Variants in IL1RAPL2 observed in about 807,000 individuals in gnomAD.
IL1RAPL2 encodes X-linked interleukin-1 receptor accessory protein-like 2.
IL1RAPL2 carries 3 observed loss-of-function variants against 44.1 expected under a neutral mutation model. The observed-to-expected ratio is 0.07, with a 90% CI of 0.03 to 0.18. IL1RAPL2 has a LOEUF of 0.18. IL1RAPL2 is among the 10% of genes least tolerant of loss of function. The pLI is 1.00. For synonymous variants in IL1RAPL2, 181 were observed against 178.8 expected, an observed-to-expected ratio of 1.01 and a Z score of -0.10; for missense variants, 391 against 496.4, an observed-to-expected ratio of 0.79 and a Z score of 2.02.
At chrX:105,404,170 C>T (rs1457225998) in intron 5 of IL1RAPL2, among the ~76,000 whole-genome samples, 3 of 111,820 alleles carry the variant, frequency 2.7e-5, no homozygotes, top group African/African-American at 9.8e-5. Context: ...CATCTGGCCT[C>T]ATTGTTCCTC....
At chrX:105,038,780 C>A (rs961502605) in intron 2 of IL1RAPL2, among the ~76,000 whole-genome samples, 1 of 110,273 alleles carries the variant, frequency 9.1e-6, no homozygotes, top group Non-Finnish European at 1.9e-5. Flanking sequence ...CCTCCAGTGC[C>A]CTGTCTCCTG....
intron 3 of IL1RAPL2, among the ~76,000 whole-genome samples, chrX:105,222,140 A>G (rs1404442648): frequency 1.8e-5 from 2 of 111,772 alleles, no homozygotes; most frequent in Non-Finnish European, 3.8e-5. Flanking sequence ...TCTCTCCACA[A>G]TGTTATCCAC....
At chrX:104,835,303 C>T (rs182653895) in intron 2 of IL1RAPL2, among the ~76,000 whole-genome samples, 2 of 110,542 alleles carry the variant, frequency 1.8e-5, no homozygotes, top group East Asian at 2.8e-4. Flanking sequence ...TATATAACAA[C>T]TATGTTTGAG....
chrX:105,453,850 G>T (rs1231965055), intron 5 of IL1RAPL2, among the ~76,000 whole-genome samples: 2 of 111,841 alleles, frequency 1.8e-5, no homozygotes, highest in Non-Finnish European at 3.8e-5. Context: ...AGTTGTTTAG[G>T]ATTAGATATT....
At chrX:105,445,549 C>A (rs1650324507) in intron 5 of IL1RAPL2, among the ~76,000 whole-genome samples, 1 of 110,748 alleles carries the variant, frequency 9.0e-6, no homozygotes, top group South Asian at 3.7e-4. Context: ...TCTCATAATA[C>A]TGCTTTTGCT....
rs1381542378 is a variant in IL1RAPL2 at position 104,592,143 on chromosome X, ATATGTG to A, written c.-20+25094_-20+25099del. ...CCATATGATTTTTTTTAATGCCCGT[ATATGTG>A]TGTGTGTGTGTGTGTGTGTGTGTGT... On this transcript the variant is annotated intron_variant, in intron 1 of 10. Transcript: ENST00000372582. Among the ~76,000 whole-genome samples the A allele has an allele frequency of 1.4e-4, 6 of 43,503 alleles. No individual in the cohort carries two copies. The South Asian group carries it at 8.0e-3, about 58-fold the overall frequency. The allele number at this position is 43,503 out of a possible 115,157, so 37.8% of individuals were successfully genotyped here. A position where few individuals can be genotyped will look rare whatever the true frequency, so the allele number is the denominator to read the frequency against.
At chrX:105,356,735 G>A (rs1287606742) in intron 5 of IL1RAPL2, among the ~76,000 whole-genome samples, 1 of 112,162 alleles carries the variant, frequency 8.9e-6, no homozygotes, top group East Asian at 2.8e-4. Context: ...ATGCCAAAAA[G>A]ACATATTAAG....
chrX:105,343,435 C>G (rs12858031), intron 5 of IL1RAPL2, among the ~76,000 whole-genome samples: 3,443 of 111,217 alleles, frequency 0.031, 42 homozygotes, highest in Non-Finnish European at 0.045. Flanking sequence ...TCATACTGTC[C>G]TTACAATTTT....
chrX:104,694,756 AG>A (rs1372594078), intron 2 of IL1RAPL2, among the ~76,000 whole-genome samples: 2 of 111,687 alleles, frequency 1.8e-5, no homozygotes, highest in East Asian at 5.7e-4. Context: ...TGATCAACTG[AG>A]GGGGAAAGGG....
chrX:105,340,698 A>G (rs763563045), intron 5 of IL1RAPL2, among the ~76,000 whole-genome samples: 1 of 111,849 alleles, frequency 8.9e-6, no homozygotes, highest in Non-Finnish European at 1.9e-5. Context: ...TCACCTTCCC[A>G]GTGAGGTTTA....
chrX:104,568,597 C>A (rs1405283182), intron 1 of IL1RAPL2, among the ~76,000 whole-genome samples: 1 of 111,726 alleles, frequency 9.0e-6, no homozygotes, highest in East Asian at 2.8e-4. Flanking sequence ...GCACTAGTAT[C>A]CATGCATTGT....
chrX:105,452,532 G>A (rs774606397), intron 5 of IL1RAPL2, among the ~76,000 whole-genome samples: 15 of 111,503 alleles, frequency 1.3e-4, no homozygotes, highest in African/African-American at 4.9e-4. Context: ...CCTTTTGTAT[G>A]CCAGTCATAA....
At chrX:104,975,352 C>T (rs1412531034) in intron 2 of IL1RAPL2, among the ~76,000 whole-genome samples, 1 of 111,898 alleles carries the variant, frequency 8.9e-6, no homozygotes, top group Admixed American at 9.5e-5. Flanking sequence ...CTTAACCATA[C>T]ACTTTTCCTT....
At chrX:105,134,595 A>G (rs2033059387) in intron 2 of IL1RAPL2, among the ~76,000 whole-genome samples, 2 of 111,560 alleles carry the variant, frequency 1.8e-5, no homozygotes, top group South Asian at 7.5e-4. Flanking sequence ...ACTACTGTCT[A>G]CAGGAGCCAG....
Position 105,747,533 on chromosome X carries a change from T to TAC in IL1RAPL2, c.1049-1426_1049-1425insCA, listed in dbSNP as rs1435383783. ...GTGTGTGTGTATATATATATATATA[T>TAC]ATACACACACACACACACATATATA... is the stretch of plus-strand genomic sequence containing the variant. On this transcript the variant is annotated intron_variant, in intron 8 of 10. Coordinates refer to ENST00000372582, the MANE Select transcript of IL1RAPL2 (RefSeq NM_017416.2). Among the ~76,000 whole-genome samples, 529 of 90,583 alleles carry TAC rather than the reference T, an allele frequency of 5.8e-3. 7 individuals are homozygous for TAC. Among genetic ancestry groups the TAC allele is most frequent in the African/African-American group, 0.015 (369 of 24,540 alleles). 78.7% of individuals were successfully genotyped at this position (90,583 alleles called of 115,157 possible).
chrX:104,598,141 T>C (rs1034705644), intron 1 of IL1RAPL2, among the ~76,000 whole-genome samples: 13 of 112,422 alleles, frequency 1.2e-4, no homozygotes, highest in African/African-American at 3.6e-4. Flanking sequence ...CGTATACTTA[T>C]GGTAATTAAT....
At chrX:105,000,677 A>G (rs895730728) in intron 2 of IL1RAPL2, among the ~76,000 whole-genome samples, 9 of 112,025 alleles carry the variant, frequency 8.0e-5, no homozygotes, top group African/African-American at 2.6e-4. Context: ...AGGTTTTAAA[A>G]CACTTTAAAA....
chrX:104,727,086 A>C (rs927086349), intron 2 of IL1RAPL2, among the ~76,000 whole-genome samples: 9 of 111,491 alleles, frequency 8.1e-5, no homozygotes, highest in Non-Finnish European at 1.5e-4. Context: ...AAACCCAATA[A>C]AAATAAAAAT....
intron 3 of IL1RAPL2, among the ~76,000 whole-genome samples, chrX:105,210,202 C>T (rs2033797249): frequency 8.9e-6 from 1 of 112,033 alleles, no homozygotes; most frequent in Non-Finnish European, 1.9e-5. Flanking sequence ...CCCTTCTGTT[C>T]CAGAGGAAGA....
Sources: gnomAD v4.1 joint callset for allele counts (sites outside exome capture counted in the v4.1 genomes callset) on GRCh38, gnomAD v4.1.1 for gene constraint, MANE v1.5 for transcripts, NCBI Gene and HGNC (gene_info 2026-07-23, HGNC 2026-07-21) for gene names.